Variants in DGKB observed in about 807,000 individuals in gnomAD.
The protein encoded by DGKB is diacylglycerol kinase beta.
DGKB carries 67 observed loss-of-function variants against 114.3 expected under a neutral mutation model. The observed-to-expected ratio is 0.59, with a 90% CI of 0.48 to 0.72. The LOEUF (loss-of-function observed/expected upper bound fraction) is 0.72, where lower values mean the gene tolerates loss of function less well. Among genes scored for constraint, DGKB ranks in the 30% least tolerant of loss-of-function variants. DGKB has a pLI of 0.00. For synonymous variants in DGKB, 398 were observed against 323.1 expected (o/e 1.23, Z -2.49); for missense variants, 907 against 975.2 (o/e 0.93, Z 0.93).
intron 6 of DGKB, among the ~76,000 whole-genome samples, chr7:14,715,136 T>A (rs577412665): frequency 6.6e-6 from 1 of 152,288 alleles, no homozygotes; most frequent in African/African-American, 2.4e-5. Flanking sequence ...AACCTAGGGT[T>A]TGCATTCAAT....
At position 14,713,583 on chromosome 7, in the gene DGKB, A is replaced by C. The variant is rs185531721; in HGVS notation, c.466+4959T>G. On this transcript the variant is annotated intron_variant, in intron 6 of 25. Transcript: ENST00000402815. ...AAGTAGCTCAGAAATTATGGATTTT[A>C]GTAATAGCTAGATAAACTGGTGGTG... Among the ~76,000 whole-genome samples, 11 of 151,932 alleles carry C rather than the reference A, an allele frequency of 7.2e-5. 1 individual carries two copies. In the East Asian group the frequency reaches 2.1e-3, roughly 29 times the overall value.
intron 21 of DGKB, among the ~76,000 whole-genome samples, chr7:14,435,504 G>A (rs1322316345): frequency 6.6e-6 from 1 of 152,008 alleles, no homozygotes; most frequent in Non-Finnish European, 1.5e-5. Flanking sequence ...AGTTATGTGA[G>A]TATAGTAAAT....
chr7:14,359,206 A>G (rs572028320), intron 21 of DGKB, among the ~76,000 whole-genome samples: 45 of 152,338 alleles, frequency 3.0e-4, no homozygotes, highest in South Asian at 1.7e-3. Flanking sequence ...TGACAAAAAC[A>G]AGCAATGGTG....
In DGKB at chr7:14,921,314, T is replaced by C. The variant is rs111704764; in HGVS notation, c.-188+53382A>G. Among the ~76,000 whole-genome samples the C allele has an allele frequency of 7.2e-3, 1,097 of 152,258 alleles. 17 individuals are homozygous for C. The highest frequency in any genetic ancestry group is 0.025 in the African/African-American group (1,045 of 41,544). ...AGATGTAGGACACGAATGCAAGATG[T>C]GTGCTGGCAAAATGGAGAAGGAGAA... On this transcript the variant is annotated intron_variant, in intron 1 of 4. Coordinates refer to the DGKB transcript ENST00000437998.
chr7:14,599,711 G>C (rs1288586180), intron 17 of DGKB, among the ~76,000 whole-genome samples: 1 of 152,166 alleles, frequency 6.6e-6, no homozygotes, highest in Non-Finnish European at 1.5e-5. Context: ...GTTTTGTTCA[G>C]AGTGGATTGG....
intron 21 of DGKB, among the ~76,000 whole-genome samples, chr7:14,410,097 A>G (rs921342700): frequency 8.5e-5 from 13 of 152,180 alleles, no homozygotes; most frequent in African/African-American, 3.1e-4. Context: ...AGGGTCAACT[A>G]TAAGCCAAAA....
intron 21 of DGKB, among the ~76,000 whole-genome samples, chr7:14,429,743 A>T (rs750422010): frequency 6.6e-6 from 1 of 152,146 alleles, no homozygotes; most frequent in Non-Finnish European, 1.5e-5. Flanking sequence ...CAACATGGCA[A>T]AACCCTGTCT....
At chr7:14,506,137 C>T (rs891884471) in intron 20 of DGKB, among the ~76,000 whole-genome samples, 18 of 152,026 alleles carry the variant, frequency 1.2e-4, no homozygotes, top group African/African-American at 4.1e-4. Context: ...TCACTAGACA[C>T]GATGACTAAC....
At chr7:14,478,998 T>C (rs769908681) in intron 20 of DGKB, among the ~76,000 whole-genome samples, 7 of 152,120 alleles carry the variant, frequency 4.6e-5, no homozygotes, top group Non-Finnish European at 7.4e-5. Context: ...ATCCAAGCTT[T>C]TCAAGCACGG....
intron 13 of DGKB, among the ~76,000 whole-genome samples, chr7:14,633,590 T>C (rs986420939): frequency 2.0e-5 from 3 of 151,856 alleles, no homozygotes; most frequent in African/African-American, 7.2e-5. Flanking sequence ...GTATCACTTC[T>C]TTTTTTACTC....
chr7:14,241,795 A>T (rs77831122), intron 23 of DGKB, among the ~76,000 whole-genome samples: 2,043 of 152,240 alleles, frequency 0.013, 42 homozygotes, highest in African/African-American at 0.047. Context: ...TAAGAAAAAC[A>T]GTTTTACTAA....
intron 21 of DGKB, among the ~76,000 whole-genome samples, chr7:14,412,233 T>G (rs1015943126): frequency 6.6e-6 from 1 of 152,160 alleles, no homozygotes; most frequent in Non-Finnish European, 1.5e-5. Context: ...CTTCTGGTGA[T>G]AAAAAGTAAG....
chr7:14,300,121 C>A (rs945624683), intron 23 of DGKB, among the ~76,000 whole-genome samples: 1 of 152,004 alleles, frequency 6.6e-6, no homozygotes, highest in South Asian at 2.1e-4. Flanking sequence ...TAAAAGAGCT[C>A]CCGTGTAGTT....
At chr7:14,540,423 C>T (rs1793234485) in intron 20 of DGKB, among the ~76,000 whole-genome samples, 2 of 151,972 alleles carry the variant, frequency 1.3e-5, no homozygotes, top group South Asian at 4.1e-4. Flanking sequence ...AAGTTCATGG[C>T]CCAAATTGGC....
At chr7:14,244,985 C>T (rs141608516) in intron 23 of DGKB, among the ~76,000 whole-genome samples, 1 of 152,140 alleles carries the variant, frequency 6.6e-6, no homozygotes, top group East Asian at 1.9e-4. Flanking sequence ...ACTCTTCTTA[C>T]CCCATGGCTC....
intron 10 of DGKB, 84 bp downstream of exon 10, chr7:14,685,161 C>T: frequency 2.3e-6 from 2 of 851,298 alleles, no homozygotes; most frequent in Non-Finnish European, 3.9e-6. Flanking sequence ...GATCTTAGGT[C>T]TCCATTTACA....
At chr7:14,766,460 T>C (rs1293051292) in intron 2 of DGKB, among the ~76,000 whole-genome samples, 3 of 151,782 alleles carry the variant, frequency 2.0e-5, no homozygotes, top group Non-Finnish European at 2.9e-5. Flanking sequence ...ATTTGAGCAA[T>C]TGGAGGGATA....
At chr7:14,150,806 C>G (rs1270217775) in intron 25 of DGKB, among the ~76,000 whole-genome samples, 2 of 152,042 alleles carry the variant, frequency 1.3e-5, no homozygotes, top group Non-Finnish European at 2.9e-5. Context: ...GAGATTTAAA[C>G]TCCTCTGAAA....
intron 20 of DGKB, among the ~76,000 whole-genome samples, chr7:14,540,960 T>C (rs1014765838): frequency 2.6e-5 from 4 of 152,196 alleles, no homozygotes; most frequent in African/African-American, 7.2e-5. Context: ...ATCTTCCTTT[T>C]CAAATGTATG....
Sources: allele counts gnomAD v4.1 joint callset (sites outside exome capture counted in the v4.1 genomes callset), GRCh38; gene constraint gnomAD v4.1.1; transcripts MANE v1.5; gene names NCBI Gene and HGNC (gene_info 2026-07-23, HGNC 2026-07-21).